The following SLC7A9 variants were observed in gnomAD, a reference collection of about 807,000 sequenced individuals.
SLC7A9 encodes the protein solute carrier family 7 member 9.
A neutral mutation model predicts 54.1 loss-of-function variants in SLC7A9; 38 were observed. That is an observed-to-expected ratio of 0.70 (90% CI 0.54 to 0.92). SLC7A9 has a LOEUF of 0.92. Ranked by LOEUF, SLC7A9 falls within the 40% of genes least tolerant of loss-of-function variation. SLC7A9 has a pLI of 0.00. For missense variants in SLC7A9, 537 were observed against 636.1 expected (o/e 0.84, Z 1.68); for synonymous variants, 264 against 258.9 (o/e 1.02, Z -0.19).
At chr19:32,862,870 A>T in intron 4 of SLC7A9, 1 of 212,074 alleles carries the variant, frequency 4.7e-6, no homozygotes, top group Non-Finnish European at 9.3e-6. Context: ...GCTTGTCTGG[A>T]GGTTCTAGCG....
intron 3 of SLC7A9, 141 bp from the exon 4 acceptor site, chr19:32,864,479 C>A: frequency 6.7e-7 from 1 of 1,500,528 alleles, no homozygotes. Context: ...TGAGCTCCAG[C>A]GTTGGACATT....
chr19:32,846,042 C>G (rs1243509312), intron 9 of SLC7A9, among the ~76,000 whole-genome samples: 1 of 152,132 alleles, frequency 6.6e-6, no homozygotes, highest in Non-Finnish European at 1.5e-5. Context: ...GGGCATGGAG[C>G]CAAGATAGCC....
chr19:32,861,807 C>T (rs1968807467), intron 6 of SLC7A9, among the ~76,000 whole-genome samples: 1 of 152,012 alleles, frequency 6.6e-6, no homozygotes, highest in South Asian at 2.1e-4. Flanking sequence ...CAAGTGAGAT[C>T]CTGTCTTAAA....
At chr19:32,847,716 C>T (rs1338278126) in intron 9 of SLC7A9, among the ~76,000 whole-genome samples, 2 of 152,076 alleles carry the variant, frequency 1.3e-5, no homozygotes, top group Non-Finnish European at 2.9e-5. Context: ...AGAAGGGCAA[C>T]TCCAAGACAC....
chr19:32,858,540 AT>A lies in SLC7A9; in HGVS notation c.876del (p.Phe293LeufsTer69). On this transcript the variant is annotated frameshift_variant and splice_region_variant, in exon 9 of 13. Coordinates refer to ENST00000023064, the MANE Select transcript of SLC7A9 (RefSeq NM_014270.5). LOFTEE classifies it high-confidence loss of function. Reference protein sequence around the residue: ...ELLQSQAVAVTFGDRVLYPAS... With the variant: ...ELLQSQAVAVXFGDRVLYPAS... ...GCAGGATAGAGAACACGGTCACCAA[AT>A]GTCTGGTGAGAGAAGCGAGATGAGT... 2 of 1,610,204 alleles carry A rather than the reference AT, an allele frequency of 1.2e-6. No individual in the cohort carries two copies. The highest frequency in any genetic ancestry group is 1.7e-6 in the Non-Finnish European group (2 of 1,177,888).
intron 9 of SLC7A9, 145 bp downstream of exon 9, chr19:32,858,295 C>G (rs1161738589): frequency 7.4e-6 from 5 of 676,644 alleles, no homozygotes; most frequent in Non-Finnish European, 1.1e-5. Flanking sequence ...AGCTACATCC[C>G]TTCTCTGGAT....
In SLC7A9 at chr19:32,851,936, C is replaced by T. The variant is rs146116288; in HGVS notation, c.977+6504G>A. Among the ~76,000 whole-genome samples, 811 of 152,134 alleles carry T rather than the reference C, an allele frequency of 5.3e-3. 27 individuals carry two copies. In the East Asian group the frequency reaches 0.076, roughly 14 times the overall value. The stretch of plus-strand genomic sequence containing the variant: ...TATTGCAAGGACAAAAAACCAAACA[C>T]CGCATGTTCTCACTCATAGGTGGGA... On this transcript the variant is annotated intron_variant, in intron 9 of 12. Coordinates refer to ENST00000023064, the MANE Select transcript of SLC7A9 (RefSeq NM_014270.5).
At chr19:32,855,886 A>C (rs1025407274) in intron 9 of SLC7A9, among the ~76,000 whole-genome samples, 23 of 152,186 alleles carry the variant, frequency 1.5e-4, no homozygotes, top group African/African-American at 5.3e-4. Flanking sequence ...GTATTTTCCT[A>C]CTTTCTGTAA....
chr19:32,859,246 C>T (rs1021023729), intron 8 of SLC7A9, among the ~76,000 whole-genome samples: 1 of 152,022 alleles, frequency 6.6e-6, no homozygotes, highest in Admixed American at 6.6e-5. Context: ...CACAGGCACT[C>T]GCCACCACAC....
chr19:32,840,166 T>C (rs570950112), intron 11 of SLC7A9, among the ~76,000 whole-genome samples: 7 of 152,238 alleles, frequency 4.6e-5, no homozygotes, highest in African/African-American at 1.7e-4. Context: ...TTTGCTCTTA[T>C]GTTCTTTCTT....
intron 9 of SLC7A9, among the ~76,000 whole-genome samples, chr19:32,850,416 C>G (rs1034013248): frequency 5.9e-5 from 9 of 151,554 alleles, no homozygotes; most frequent in South Asian, 2.1e-4. Flanking sequence ...CATGAGTGAA[C>G]TCCCATTCAC....
Position 32,842,232 on chromosome 19 carries a change from C to A in SLC7A9, c.1160G>T (p.Gly387Val). Residue 387 changes from glycine (G) to valine (V), a missense_variant, in exon 11 of 13, where the codon GGC becomes GTC. Physicochemically the swap from Gly to Val is moderately radical, Grantham distance 109. Coordinates refer to ENST00000023064, the MANE Select transcript of SLC7A9 (RefSeq NM_014270.5). ...YFSFAAWLFY[G>V]LTILGLIVMR... ...CACGATGAGTCCTAGAATCGTCAGG[C>A]CATAAAACAGCCATGCGGCAAAGCT... is the stretch of plus-strand genomic sequence containing the variant. 1 of 1,614,054 alleles carries A rather than the reference C, an allele frequency of 6.2e-7. No homozygotes were observed. Among genetic ancestry groups the A allele is most frequent in the Non-Finnish European group, 8.5e-7 (1 of 1,179,984 alleles).
At chr19:32,852,778 G>C (rs180983748) in intron 9 of SLC7A9, among the ~76,000 whole-genome samples, 1,610 of 152,170 alleles carry the variant, frequency 0.011, 44 homozygotes, top group Non-Finnish European at 7.9e-3. Flanking sequence ...CATAAAATCA[G>C]AATGCAAGCA....
At chr19:32,863,543 A>G (rs1968869345) in intron 4 of SLC7A9, among the ~76,000 whole-genome samples, 1 of 152,020 alleles carries the variant, frequency 6.6e-6, no homozygotes, top group South Asian at 2.1e-4. Context: ...GATTGTTTGT[A>G]GAGTCAAGGT....
intron 12 of SLC7A9, among the ~76,000 whole-genome samples, chr19:32,831,954 C>T (rs1241360022): frequency 6.6e-6 from 1 of 152,188 alleles, no homozygotes; most frequent in African/African-American, 2.4e-5. Flanking sequence ...GAGATAGAAA[C>T]GTTTATGTTG....
intron 11 of SLC7A9, among the ~76,000 whole-genome samples, chr19:32,838,758 CATAT>C (rs1044272747): frequency 2.7e-5 from 4 of 147,386 alleles, no homozygotes; most frequent in African/African-American, 7.4e-5. Context: ...TACACATATA[CATAT>C]ATACATATAT....
chr19:32,857,363 G>C (rs556086752), intron 9 of SLC7A9, among the ~76,000 whole-genome samples: 3 of 152,234 alleles, frequency 2.0e-5, no homozygotes, highest in South Asian at 4.1e-4. Flanking sequence ...AGGATTGCTT[G>C]AGCCCAGGAG....
At chr19:32,861,772 G>A (rs968355940) in intron 6 of SLC7A9, among the ~76,000 whole-genome samples, 7 of 151,578 alleles carry the variant, frequency 4.6e-5, no homozygotes, top group Non-Finnish European at 5.9e-5. Context: ...CTATGATCAC[G>A]CCATTGCACT....
intron 10 of SLC7A9, 65 bp from the exon 11 acceptor site, chr19:32,842,382 A>G: frequency 6.7e-7 from 1 of 1,502,106 alleles, no homozygotes; most frequent in Non-Finnish European, 9.2e-7. Context: ...GTCACAGAAG[A>G]CCGAAGAAGC....
Sources: gnomAD v4.1 joint callset for allele counts (sites outside exome capture counted in the v4.1 genomes callset) on GRCh38, gnomAD v4.1.1 for gene constraint, MANE v1.5 for transcripts, NCBI Gene and HGNC (gene_info 2026-07-23, HGNC 2026-07-21) for gene names.